RBFOX1: variants seen among roughly 807,000 people sequenced by gnomAD.
RBFOX1 encodes the protein RNA binding protein fox-1 homolog 1.
A neutral mutation model predicts 57.7 loss-of-function variants in RBFOX1; 8 were observed. That is an observed-to-expected ratio of 0.14 (90% CI 0.08 to 0.25). The LOEUF (loss-of-function observed/expected upper bound fraction) is 0.25. RBFOX1 is among the 10% of genes least tolerant of loss of function. The pLI is 1.00. For synonymous variants in RBFOX1, 326 were observed against 222.4 expected (o/e 1.47, Z -4.15); for missense variants, 611 against 548.5 (o/e 1.11, Z -1.14).
At chr16:6,006,389 G>A (rs1020257228) in intron 4 of RBFOX1, among the ~76,000 whole-genome samples, 17 of 151,048 alleles carry the variant, frequency 1.1e-4, no homozygotes, top group Admixed American at 3.9e-4. Flanking sequence ...AAAAAAAAAG[G>A]AAAAAAATGT....
rs181754114 is a variant in RBFOX1, at chr16:5,726,910, T to C, written c.318+127949T>C. Among the ~76,000 whole-genome samples, 6 of 152,270 alleles carry C rather than the reference T, an allele frequency of 3.9e-5. No homozygotes were observed. In the East Asian group the frequency reaches 1.2e-3, roughly 29 times the overall value. The stretch of plus-strand genomic sequence containing the variant: ...GAAACTGAGGCTCAGAAAGGTTCTG[T>C]GACTTTCCTGAGGCCATATGGGTGG... On this transcript the variant is annotated intron_variant, in intron 3 of 19. Coordinates refer to the RBFOX1 transcript ENST00000641259.
At chr16:5,478,615 T>C (rs1440079289) in intron 2 of RBFOX1, among the ~76,000 whole-genome samples, 1 of 152,218 alleles carries the variant, frequency 6.6e-6, no homozygotes, top group African/African-American at 2.4e-5. Context: ...AAGATTCCGA[T>C]GTGCAGAAGG....
intron 4 of RBFOX1, among the ~76,000 whole-genome samples, chr16:7,141,307 A>G (rs1423364420): frequency 1.3e-5 from 2 of 152,150 alleles, no homozygotes; most frequent in African/African-American, 2.4e-5. Flanking sequence ...TTATTCACCC[A>G]CGGAATACCA....
chr16:6,141,234 C>T (rs888342371), intron 1 of RBFOX1, among the ~76,000 whole-genome samples: 1 of 152,216 alleles, frequency 6.6e-6, no homozygotes, highest in African/African-American at 2.4e-5. Flanking sequence ...CCTCTTTTCT[C>T]AGTGCCCTCC....
chr16:5,384,550 C>T (rs976703382), intron 1 of RBFOX1, among the ~76,000 whole-genome samples: 1 of 152,094 alleles, frequency 6.6e-6, no homozygotes, highest in Admixed American at 6.6e-5. Context: ...CAAGGTAGAG[C>T]ATATTAAGAG....
Position 5,578,844 on chromosome 16 carries a change from C to CCCTTTTTTTTTT in RBFOX1, c.259-20058_259-20057insCCTTTTTTTTTT, listed in dbSNP as rs1555470153. Among the ~76,000 whole-genome samples, 2 of 109,022 alleles carry CCCTTTTTTTTTT rather than the reference C, an allele frequency of 1.8e-5. 1 individual carries two copies. The allele number at this position is 109,022 out of a possible 152,430, so 71.5% of individuals were successfully genotyped here. A position where few individuals can be genotyped will look rare whatever the true frequency, so the allele number is the denominator to read the frequency against. ...AAACCTCCACACACACACACACACC[C>CCCTTTTTTTTTT]TTTTTTTTTTTTTTTTTTTTTTTGA... On this transcript the variant is annotated intron_variant, in intron 2 of 2. Transcript: ENST00000585867.
chr16:7,441,323 A>T (rs1361571267), intron 4 of RBFOX1, among the ~76,000 whole-genome samples: 2 of 152,198 alleles, frequency 1.3e-5, no homozygotes, highest in Admixed American at 6.5e-5. Context: ...TCCATTTGAG[A>T]TGGTGAAATG....
intron 1 of RBFOX1, among the ~76,000 whole-genome samples, chr16:5,425,142 G>A (rs1015506675): frequency 1.6e-5 from 2 of 125,788 alleles, no homozygotes; most frequent in Non-Finnish European, 3.5e-5. Context: ...GTCTCACTGT[G>A]TTGCCCAGGC....
intron 3 of RBFOX1, among the ~76,000 whole-genome samples, chr16:7,011,616 C>G (rs1388569654): frequency 1.3e-5 from 2 of 152,164 alleles, no homozygotes; most frequent in Admixed American, 1.3e-4. Flanking sequence ...CGGGTTCACG[C>G]CATTATCCAG....
chr16:5,775,298 T>A (rs2151688881), intron 3 of RBFOX1, among the ~76,000 whole-genome samples: 1 of 152,244 alleles, frequency 6.6e-6, no homozygotes, highest in South Asian at 2.1e-4. Context: ...CCCACACACC[T>A]TTCTTTTCCC....
At chr16:6,568,664 G>A (rs902439588) in intron 2 of RBFOX1, among the ~76,000 whole-genome samples, 21 of 152,164 alleles carry the variant, frequency 1.4e-4, no homozygotes, top group African/African-American at 5.1e-4. Context: ...AGAGAGCCCT[G>A]GATAGAACAT....
chr16:6,365,423 G>A (rs2089420653), intron 2 of RBFOX1, among the ~76,000 whole-genome samples: 1 of 152,056 alleles, frequency 6.6e-6, no homozygotes, highest in African/African-American at 2.4e-5. Context: ...TGGGTAGGTG[G>A]ATGGGTAGAT....
intron 4 of RBFOX1, among the ~76,000 whole-genome samples, chr16:7,234,825 C>A (rs570476928): frequency 6.6e-6 from 1 of 152,060 alleles, no homozygotes; most frequent in South Asian, 2.1e-4. Flanking sequence ...CAAGGCACCC[C>A]ATTTTTGGTA....
At chr16:6,174,351 T>C (rs1363527825) in intron 1 of RBFOX1, among the ~76,000 whole-genome samples, 1 of 152,134 alleles carries the variant, frequency 6.6e-6, no homozygotes, top group African/African-American at 2.4e-5. Flanking sequence ...TCTGAACACT[T>C]TGGGAGGCCA....
chr16:5,373,928 C>T (rs2065921492), intron 1 of RBFOX1, among the ~76,000 whole-genome samples: 1 of 150,604 alleles, frequency 6.6e-6, no homozygotes, highest in African/African-American at 2.4e-5. Flanking sequence ...TATATGTTAC[C>T]CAGTTTGAGA....
In RBFOX1 at chr16:7,312,998, G is replaced by A. The variant is rs530114767; in HGVS notation, c.28-205149G>A. Among the ~76,000 whole-genome samples, 56 of 152,176 alleles carry A rather than the reference G, an allele frequency of 3.7e-4. 1 individual carries two copies. The South Asian group carries it at 8.7e-3, about 24-fold the overall frequency. On this transcript the variant is annotated intron_variant, in intron 4 of 15. Coordinates refer to ENST00000550418, the MANE Select transcript of RBFOX1 (RefSeq NM_018723.4). ...CAGGATGGACCGGGGAAGCTGACAC[G>A]TGCATTTTCATGCCCTGGATCTGTT...
At chr16:5,410,940 G>A (rs540707414) in intron 1 of RBFOX1, among the ~76,000 whole-genome samples, 1 of 152,300 alleles carries the variant, frequency 6.6e-6, no homozygotes, top group Admixed American at 6.5e-5. Flanking sequence ...CTCTAACTGG[G>A]GATCATGAAA....
intron 3 of RBFOX1, among the ~76,000 whole-genome samples, chr16:6,826,936 A>G (rs989080972): frequency 2.6e-5 from 4 of 152,150 alleles, no homozygotes; most frequent in Non-Finnish European, 5.9e-5. Flanking sequence ...TTTTGTGCAA[A>G]TGGAAGAAAT....
chr16:6,736,858 C>G (rs950606793), intron 3 of RBFOX1, among the ~76,000 whole-genome samples: 3 of 152,036 alleles, frequency 2.0e-5, no homozygotes, highest in Admixed American at 6.6e-5. Context: ...AGTGGGATAC[C>G]TAGAGTCTGA....
Sources: gnomAD v4.1 joint callset for allele counts (sites outside exome capture counted in the v4.1 genomes callset) on GRCh38, gnomAD v4.1.1 for gene constraint, MANE v1.5 for transcripts, NCBI Gene and HGNC (gene_info 2026-07-23, HGNC 2026-07-21) for gene names.